The following SLC7A14 variants were observed in gnomAD, a reference collection of about 807,000 sequenced individuals.
SLC7A14 encodes the protein solute carrier family 7 member 14.
Under a neutral mutation model 60.2 loss-of-function variants are expected in SLC7A14, and 37 were observed. That is an observed-to-expected ratio of 0.61 (90% CI 0.47 to 0.81). The LOEUF is 0.81. Among genes scored for constraint, SLC7A14 ranks in the 30% least tolerant of loss-of-function variants. The probability of loss-of-function intolerance (pLI) is 0.00; values close to 1 mark genes in which losing one functional copy is unlikely to be tolerated. For missense variants in SLC7A14, 886 were observed against 982.7 expected, an observed-to-expected ratio of 0.90 and a Z score of 1.32; for synonymous variants, 399 against 395.8, an observed-to-expected ratio of 1.01 and a Z score of -0.10.
chr3:170,535,083 ACCTCAGGTCCGGTG>A lies in SLC7A14; in HGVS notation c.-152-8009_-152-7996del, dbSNP rs1239154664. On this transcript the variant is annotated intron_variant, in intron 1 of 7. Coordinates refer to ENST00000231706, the MANE Select transcript of SLC7A14 (RefSeq NM_020949.3). The surrounding 1 kb of genome is among the most constrained non-coding windows in gnomAD (Gnocchi z 4.3). Reference sequence around the variant, plus strand: ...CACCTTCTCCTCTCCTTTTCCATGGACCTCAGGTCCGGTGCCTCAGGTCTTTGCTTGGGGCTAGG... The same window carrying A: ...CACCTTCTCCTCTCCTTTTCCATGGACCTCAGGTCTTTGCTTGGGGCTAGG... Among the ~76,000 whole-genome samples the A allele has an allele frequency of 6.6e-6, 1 of 151,744 alleles. No individual in the cohort carries two copies. The highest frequency in any genetic ancestry group is 1.5e-5 in the Non-Finnish European group (1 of 67,968).
intron 1 of SLC7A14, among the ~76,000 whole-genome samples, chr3:170,562,863 C>T (rs989583179): frequency 2.0e-5 from 3 of 151,936 alleles, no homozygotes; most frequent in Non-Finnish European, 4.4e-5. Flanking sequence ...TGGGTTTAAG[C>T]GAGTCTCATG....
chr3:170,524,197 A>G (rs537542133), intron 2 of SLC7A14, among the ~76,000 whole-genome samples: 1 of 152,320 alleles, frequency 6.6e-6, no homozygotes, highest in East Asian at 1.9e-4. Flanking sequence ...AACAATGGTA[A>G]CAACAACAAA....
At position 170,465,046 on chromosome 3, in the gene SLC7A14, T is replaced by G. The variant is rs1255229157; in HGVS notation, c.*2009A>C. The G allele has an allele frequency of 6.6e-6, 1 of 152,244 alleles. No individual in the cohort carries two copies. The highest frequency in any genetic ancestry group is 2.4e-5 in the African/African-American group (1 of 41,454). The allele number at this position is 152,244 out of a possible 1,614,324, so 9.4% of individuals were successfully genotyped here. On this transcript the variant is annotated 3_prime_UTR_variant, in exon 8 of 8. Transcript: ENST00000231706. The stretch of plus-strand genomic sequence containing the variant: ...ATGCTGTATTTCACAGAGTAGGCAC[T>G]GTATCTTTATGGTTAACTCTAGGGA...
intron 1 of SLC7A14, among the ~76,000 whole-genome samples, chr3:170,577,357 G>A (rs1020080943): frequency 6.6e-6 from 1 of 152,066 alleles, no homozygotes; most frequent in Non-Finnish European, 1.5e-5. Context: ...GGTGGCTCAC[G>A]CCTGTAATCC....
chr3:170,523,186 T>C (rs1323142563), intron 2 of SLC7A14, among the ~76,000 whole-genome samples: 3 of 152,228 alleles, frequency 2.0e-5, no homozygotes, highest in Admixed American at 6.5e-5. Flanking sequence ...ATTTTTAAAG[T>C]GGAGAAACCG....
At chr3:170,562,509 G>A (rs575598323) in intron 1 of SLC7A14, among the ~76,000 whole-genome samples, 5 of 152,236 alleles carry the variant, frequency 3.3e-5, no homozygotes, top group African/African-American at 9.6e-5. Context: ...GGAAGGGGGT[G>A]AGGGATAAAA....
chr3:170,522,289 T>C (rs942547372), intron 2 of SLC7A14, among the ~76,000 whole-genome samples: 4 of 152,232 alleles, frequency 2.6e-5, no homozygotes, highest in African/African-American at 9.6e-5. Flanking sequence ...CACTCCTAAG[T>C]ACTTACTTGA....
intron 2 of SLC7A14, among the ~76,000 whole-genome samples, chr3:170,524,872 A>G (rs1281732861): frequency 1.3e-5 from 2 of 152,248 alleles, no homozygotes; most frequent in African/African-American, 4.8e-5. Flanking sequence ...GGTAAAACCA[A>G]CAGGAAAGAG....
intron 1 of SLC7A14, among the ~76,000 whole-genome samples, chr3:170,582,110 T>G (rs1715251395): frequency 6.6e-6 from 1 of 152,202 alleles, no homozygotes; most frequent in Non-Finnish European, 1.5e-5. Context: ...GCTCCTTAAG[T>G]AAGACATGCA....
Position 170,465,725 on chromosome 3 carries a change from A to G in SLC7A14, c.*1330T>C, listed in dbSNP as rs1301031362. On this transcript the variant is annotated 3_prime_UTR_variant, in exon 8 of 8. Coordinates refer to ENST00000231706, the MANE Select transcript of SLC7A14 (RefSeq NM_020949.3). ...TGATTCAAATTGTGCCTTCACATAC[A>G]TTTGTACGTATCTCAGTGCAGCCAC... The G allele has an allele frequency of 1.3e-5, 2 of 152,234 alleles. No homozygotes were observed. 9.4% of individuals were successfully genotyped at this position (152,234 alleles called of 1,614,324 possible). A position where few individuals can be genotyped will look rare whatever the true frequency, so the allele number is the denominator to read the frequency against.
At chr3:170,478,803 G>T (rs888004204) in intron 7 of SLC7A14, among the ~76,000 whole-genome samples, 1 of 152,086 alleles carries the variant, frequency 6.6e-6, no homozygotes, top group Non-Finnish European at 1.5e-5. Context: ...TGATCTCTAG[G>T]AGTGGATGCA....
At chr3:170,519,740 C>T (rs1260724659) in intron 2 of SLC7A14, among the ~76,000 whole-genome samples, 1 of 152,226 alleles carries the variant, frequency 6.6e-6, no homozygotes, top group African/African-American at 2.4e-5. Flanking sequence ...CGTGCCACTG[C>T]ACTCCAGCCT....
chr3:170,526,410 A>G (rs1373925500), intron 2 of SLC7A14, among the ~76,000 whole-genome samples: 8 of 149,894 alleles, frequency 5.3e-5, no homozygotes, highest in African/African-American at 1.0e-4. Flanking sequence ...TCAAAAAAAG[A>G]AGAAAGAAAG....
chr3:170,578,815 C>T (rs1379389799), intron 1 of SLC7A14, among the ~76,000 whole-genome samples: 1 of 152,122 alleles, frequency 6.6e-6, no homozygotes, highest in African/African-American at 2.4e-5. Flanking sequence ...AATGTTATGG[C>T]TTGCAGGATA....
intron 1 of SLC7A14, among the ~76,000 whole-genome samples, chr3:170,574,485 C>T (rs2108316576): frequency 6.6e-6 from 1 of 152,268 alleles, no homozygotes; most frequent in East Asian, 1.9e-4. Flanking sequence ...GTGAGCTTTG[C>T]CTTATTCTCA....
rs372221406 is a variant in SLC7A14 at position 170,483,516 on chromosome 3, C to T, written c.913G>A (p.Val305Met). The change falls in exon 6 of 8, where the codon GTG becomes ATG. Residue 305 changes from valine to methionine, a missense_variant. Physicochemically the swap from Val to Met is conservative, Grantham distance 21 (BLOSUM62 1). Coordinates refer to ENST00000231706, the MANE Select transcript of SLC7A14 (RefSeq NM_020949.3). ...TATGGCACCATCAGAGTTAAGATCA[C>T]GCTCACCTGTTAAAACAAGAGAAGA... is the stretch of plus-strand genomic sequence containing the variant. ...ICLTAYVSVS[V>M]ILTLMVPYYT... is the part of the protein sequence containing the mutation. 24 of 1,614,020 alleles carry T rather than the reference C, an allele frequency of 1.5e-5. No individual in the cohort carries two copies. Among genetic ancestry groups the T allele is most frequent in the South Asian group, 3.3e-5 (3 of 91,082 alleles).
intron 7 of SLC7A14, among the ~76,000 whole-genome samples, chr3:170,471,467 T>A (rs1739907066): frequency 1.3e-5 from 2 of 152,214 alleles, no homozygotes; most frequent in Non-Finnish European, 2.9e-5. Context: ...TATTTGAGTA[T>A]GCATCTCTAA....
chr3:170,485,979 A>G (rs887344457), intron 5 of SLC7A14, among the ~76,000 whole-genome samples: 2 of 152,014 alleles, frequency 1.3e-5, no homozygotes, highest in Non-Finnish European at 2.9e-5. Flanking sequence ...AGCAGACACC[A>G]AGAGCTTGTG....
chr3:170,568,936 T>C (rs1714868592), intron 1 of SLC7A14, among the ~76,000 whole-genome samples: 1 of 152,234 alleles, frequency 6.6e-6, no homozygotes, highest in African/African-American at 2.4e-5. Context: ...TTTCTAGATA[T>C]ACAATCATGT....
Sources: gnomAD v4.1 joint callset for allele counts (sites outside exome capture counted in the v4.1 genomes callset) on GRCh38, gnomAD v4.1.1 for gene constraint, Gnocchi (gnomAD v3.1) non-coding constraint, MANE v1.5 for transcripts, NCBI Gene and HGNC (gene_info 2026-07-23, HGNC 2026-07-21) for gene names.